UNC13C: variants seen among roughly 807,000 people sequenced by gnomAD.
The protein encoded by UNC13C is protein unc-13 homolog C.
Under a neutral mutation model 245.4 loss-of-function variants are expected in UNC13C, and 174 were observed. That is an observed-to-expected ratio of 0.71 (90% confidence interval 0.63 to 0.80). UNC13C has a LOEUF of 0.80. Ranked by LOEUF, UNC13C falls within the 30% of genes least tolerant of loss-of-function variation. The probability of loss-of-function intolerance (pLI) is 0.00; values close to 1 mark genes in which losing one functional copy is unlikely to be tolerated. For synonymous variants in UNC13C, 992 were observed against 895.1 expected, an observed-to-expected ratio of 1.11 and a Z score of -1.93; for missense variants, 2,829 against 2,602.9, an observed-to-expected ratio of 1.09 and a Z score of -1.89.
chr15:54,010,660 A>G (rs948892064), intron 1 of UNC13C, among the ~76,000 whole-genome samples: 6 of 152,184 alleles, frequency 3.9e-5, no homozygotes, highest in Admixed American at 1.3e-4. Flanking sequence ...GAGGACATAT[A>G]TTTTTAATTG....
intron 19 of UNC13C, among the ~76,000 whole-genome samples, chr15:54,448,739 C>T (rs1890979462): frequency 1.3e-5 from 2 of 152,144 alleles, no homozygotes; most frequent in South Asian, 4.1e-4. Flanking sequence ...ATTTGCCAGT[C>T]TGTGTCTTTT....
At chr15:54,153,016 A>G (rs1166012650) in intron 4 of UNC13C, among the ~76,000 whole-genome samples, 1 of 152,208 alleles carries the variant, frequency 6.6e-6, no homozygotes, top group Admixed American at 6.5e-5. Context: ...AGTCAGAGAG[A>G]ACAATAAAAT....
the UNC13C span, among the ~76,000 whole-genome samples, chr15:53,941,599 A>G: frequency 1.3e-5 from 2 of 152,182 alleles, no homozygotes; most frequent in African/African-American, 4.8e-5. Flanking sequence ...AATTACAAGA[A>G]AAAAACAATC....
the UNC13C span, among the ~76,000 whole-genome samples, chr15:53,954,474 T>G: frequency 3.3e-5 from 5 of 152,182 alleles, no homozygotes; most frequent in African/African-American, 1.2e-4. Context: ...TGGAAAAGTG[T>G]TTTACACAAA....
intron 19 of UNC13C, among the ~76,000 whole-genome samples, chr15:54,445,985 G>A (rs1406147740): frequency 6.6e-6 from 1 of 152,154 alleles, no homozygotes; most frequent in African/African-American, 2.4e-5. Flanking sequence ...TGTAAGGAAG[G>A]GATCCAGTTT....
At chr15:54,274,667 C>CTTTTTTTTTTTTTTTTTT in intron 10 of UNC13C, among the ~76,000 whole-genome samples, 1 of 91,604 alleles carries the variant, frequency 1.1e-5, no homozygotes, top group Non-Finnish European at 2.0e-5. Context: ...ATAAAGTAGA[C>CTTTTTTTTTTTTTTTTTT]TTTTTTTTTT....
intron 4 of UNC13C, among the ~76,000 whole-genome samples, chr15:54,166,343 A>G (rs145647829): frequency 1.8e-3 from 269 of 152,186 alleles, no homozygotes; most frequent in African/African-American, 6.4e-3. Flanking sequence ...TACTTATTCA[A>G]TTATTTATTA....
intron 14 of UNC13C, among the ~76,000 whole-genome samples, chr15:54,322,815 A>G (rs1484332834): frequency 6.6e-6 from 1 of 151,930 alleles, no homozygotes; most frequent in East Asian, 1.9e-4. Flanking sequence ...ATGAGTGGAG[A>G]TGGAGAAGAG....
chr15:54,410,472 G>A (rs563372992), intron 18 of UNC13C, among the ~76,000 whole-genome samples: 7 of 151,614 alleles, frequency 4.6e-5, no homozygotes, highest in Non-Finnish European at 8.8e-5. Flanking sequence ...GCATTTTCTA[G>A]GTGTTCTTCT....
Position 54,553,428 on chromosome 15 carries a change from A to G in UNC13C, c.5878-2004A>G, listed in dbSNP as rs1167348891. Among the ~76,000 whole-genome samples, 5 of 133,402 alleles carry G rather than the reference A, an allele frequency of 3.7e-5. No individual in the cohort carries two copies. The East Asian group carries it at 8.5e-4, about 23-fold the overall frequency. 87.5% of individuals were successfully genotyped at this position (133,402 alleles called of 152,430 possible). On this transcript the variant is annotated intron_variant, in intron 28 of 32. Transcript: ENST00000260323. ...TATATTGTAATATATAATATTATAT[A>G]TAATATATAATATAATTATAATATA...
intron 2 of UNC13C, among the ~76,000 whole-genome samples, chr15:54,033,397 AAATTTTTGGATTATTTT>A (rs1896447060): frequency 6.6e-6 from 1 of 152,120 alleles, no homozygotes; most frequent in Non-Finnish European, 1.5e-5. Flanking sequence ...TGACAAGAAA[AAATTTTTGGATTATTTT>A]GCTAACTTAT....
Position 54,494,621 on chromosome 15 carries a change from G to C in UNC13C, c.4947G>C (p.Gln1649His). The part of the protein sequence containing the change: ...MKYALEEHEN[Q>H]RLCKSTDYMN... ...TATCTGTTATAGAACATGAAAATCA[G>C]CGGTTATGCAAGAGCACCGATTATA... The change falls in exon 20 of 33, where the codon CAG (glutamine) becomes CAC (histidine). Residue 1649 changes from glutamine (Q) to histidine (H), a missense_variant. Physicochemically the swap from Gln to His is conservative, Grantham distance 24. Transcript: ENST00000260323. The C allele has an allele frequency of 1.9e-6, 3 of 1,607,572 alleles. No homozygotes were observed. The highest frequency in any genetic ancestry group is 2.5e-6 in the Non-Finnish European group (3 of 1,177,310).
chr15:54,048,694 G>T, intron 2 of UNC13C: 1 of 305,434 alleles, frequency 3.3e-6, no homozygotes. Flanking sequence ...AAGCAGCAAA[G>T]TCTTACATCA....
At chr15:53,948,089 G>A in the UNC13C span, 4 of 152,168 alleles carry the variant, frequency 2.6e-5, no homozygotes, top group Non-Finnish European at 4.4e-5. Context: ...AGTAGGCTGG[G>A]AGTGTAAGCC....
intron 19 of UNC13C, among the ~76,000 whole-genome samples, chr15:54,421,814 A>C (rs2040650938): frequency 6.6e-6 from 1 of 152,146 alleles, no homozygotes; most frequent in East Asian, 1.9e-4. Context: ...TATTCATTTA[A>C]TTTTTCATTA....
chr15:54,001,402 A>T (rs964573622), intron 1 of UNC13C, among the ~76,000 whole-genome samples: 2 of 152,194 alleles, frequency 1.3e-5, no homozygotes, highest in East Asian at 3.9e-4. Flanking sequence ...ACTGCATGTA[A>T]CACTATAGAT....
chr15:54,601,412 A>C (rs747673125), intron 30 of UNC13C, among the ~76,000 whole-genome samples: 2 of 152,206 alleles, frequency 1.3e-5, no homozygotes, highest in Non-Finnish European at 2.9e-5. Context: ...GAAGGAGAGC[A>C]CTTGATGGTA....
At chr15:53,982,741 G>A (rs2253111) in intron 1 of UNC13C, among the ~76,000 whole-genome samples, 36,839 of 151,980 alleles carry the variant, frequency 0.24, 5,386 homozygotes, top group Non-Finnish European at 0.32. Flanking sequence ...CAATTGTCTG[G>A]GTGAACTTTG....
At chr15:54,105,154 T>C (rs911561898) in intron 2 of UNC13C, among the ~76,000 whole-genome samples, 2 of 152,222 alleles carry the variant, frequency 1.3e-5, no homozygotes, top group Non-Finnish European at 2.9e-5. Context: ...TTAATTTTTA[T>C]CTCAGTCTCA....
Sources: allele counts gnomAD v4.1 joint callset (sites outside exome capture counted in the v4.1 genomes callset), GRCh38; gene constraint gnomAD v4.1.1; transcripts MANE v1.5; gene names NCBI Gene and HGNC (gene_info 2026-07-23, HGNC 2026-07-21).